Variants in KIAA1217 observed in about 807,000 individuals in gnomAD.
KIAA1217 encodes sickle tail protein homolog.
In KIAA1217, 88 loss-of-function variants were observed where a neutral mutation model predicts 163.9. That is an observed-to-expected ratio of 0.54 (90% CI 0.45 to 0.64). KIAA1217 has a LOEUF of 0.64. KIAA1217 is among the 30% of genes least tolerant of loss of function. The pLI is 0.00. For missense variants in KIAA1217, 2,372 were observed against 2,475.0 expected, an observed-to-expected ratio of 0.96 and a Z score of 0.88; for synonymous variants, 903 against 923.1, an observed-to-expected ratio of 0.98 and a Z score of 0.39.
Position 24,521,857 on chromosome 10 carries a change from A to G in KIAA1217, c.2384A>G (p.Glu795Gly). The change falls in exon 12 of 21, where the codon GAG becomes GGG. Residue 795 changes from glutamate (E) to glycine (G), a missense_variant. By Grantham distance (98) the Glu-to-Gly change is moderately conservative. This residue lies in a region of KIAA1217 where 1,431 missense variants were observed against 1,470.3 expected (regional missense o/e 0.97). Coordinates refer to ENST00000376454, the MANE Select transcript of KIAA1217 (RefSeq NM_019590.5). ...GTGGAGGCCGTGCGGTTTCTGAAGG[A>G]GGAGCCACACAAGCTGGACAGTCTC... ...IEVEAVRFLK[E>G]EPHKLDSLLK... 1 of 1,613,896 alleles carries G rather than the reference A, an allele frequency of 6.2e-7. No homozygotes were observed. The highest frequency in any genetic ancestry group is 8.5e-7 in the Non-Finnish European group (1 of 1,180,026).
chr10:23,761,882 G>T (rs556368374), intron 1 of KIAA1217, among the ~76,000 whole-genome samples: 1 of 152,094 alleles, frequency 6.6e-6, no homozygotes, highest in South Asian at 2.1e-4. Context: ...ATAAAGAAGA[G>T]AAGAATCAAA....
chr10:23,899,600 T>C (rs1240421157), intron 1 of KIAA1217, among the ~76,000 whole-genome samples: 2 of 152,200 alleles, frequency 1.3e-5, no homozygotes, highest in East Asian at 1.9e-4. Context: ...ATTGGAGCAG[T>C]TTAAATATAT....
At chr10:24,538,595 A>AGGAAGGAG (rs2074429888) in intron 17 of KIAA1217, among the ~76,000 whole-genome samples, 1 of 60,662 alleles carries the variant, frequency 1.6e-5, no homozygotes, top group African/African-American at 8.2e-5. Flanking sequence ...GAAGGAAGGA[A>AGGAAGGAG]GGAAGGAAGG....
chr10:24,107,168 G>T (rs1589522527), intron 2 of KIAA1217, among the ~76,000 whole-genome samples: 1 of 152,286 alleles, frequency 6.6e-6, no homozygotes, highest in Non-Finnish European at 1.5e-5. Flanking sequence ...AATTCACTTA[G>T]GATAATGGCC....
intron 4 of KIAA1217, among the ~76,000 whole-genome samples, chr10:24,436,929 T>C (rs375766206): frequency 6.6e-6 from 1 of 152,180 alleles, no homozygotes; most frequent in East Asian, 1.9e-4. Context: ...ATCATTGTGT[T>C]AGGCTCCTCA....
rs374235248 is a variant in KIAA1217, at chr10:24,145,071, T to C, written c.-170-74555T>C. Reference sequence around the variant, plus strand: ...CTTTGGAATTTGATTTAGGATGAGATTGAAATTCTTAAAGGTCCTGTTTCA... The same window carrying C: ...CTTTGGAATTTGATTTAGGATGAGACTGAAATTCTTAAAGGTCCTGTTTCA... On this transcript the variant is annotated intron_variant, in intron 2 of 18. Transcript: ENST00000376462. 4.6e-5 allele frequency among the ~76,000 whole-genome samples: 7 copies of C among 152,244 alleles called. No homozygotes were observed. In the East Asian group the frequency reaches 9.6e-4, roughly 21 times the overall value.
At chr10:24,530,883 A>C (rs1024509133) in intron 14 of KIAA1217, among the ~76,000 whole-genome samples, 2 of 152,052 alleles carry the variant, frequency 1.3e-5, no homozygotes, top group Non-Finnish European at 2.9e-5. Flanking sequence ...GTGAAAGAGC[A>C]ATACCCTGTC....
At chr10:24,504,323 C>A (rs147530361) in intron 9 of KIAA1217, among the ~76,000 whole-genome samples, 76 of 152,308 alleles carry the variant, frequency 5.0e-4, no homozygotes, top group African/African-American at 1.8e-3. Flanking sequence ...TTGGGCAGTT[C>A]TAAAGCGCAG....
chr10:24,231,123 A>T (rs890466056), intron 2 of KIAA1217, among the ~76,000 whole-genome samples: 5 of 152,126 alleles, frequency 3.3e-5, no homozygotes, highest in African/African-American at 9.7e-5. Flanking sequence ...TCCTGGTTGG[A>T]TTTGCCTTTA....
Position 24,545,067 on chromosome 10 carries a change from G to A in KIAA1217, c.5298G>A (p.Lys1766=), listed in dbSNP as rs1360374908. 1 of 1,613,998 alleles carries A rather than the reference G, an allele frequency of 6.2e-7. No individual in the cohort carries two copies. Among genetic ancestry groups the A allele is most frequent in the Non-Finnish European group, 8.5e-7 (1 of 1,180,030 alleles). ...CCGGAACCCTGGACAAACCCGGCAA[G>A]CAGTCCAAACTGCAGGATCCCCGCC... ...NRPGTLDKPG[K]QSKLQDPRQY... is the part of the protein sequence containing the mutation. Residue 1766 remains lysine, a synonymous_variant, in exon 20 of 21, where the codon AAG becomes AAA. Coordinates refer to ENST00000376454, the MANE Select transcript of KIAA1217 (RefSeq NM_019590.5).
At chr10:23,720,259 G>C (rs1258337869) in intron 1 of KIAA1217, among the ~76,000 whole-genome samples, 1 of 151,964 alleles carries the variant, frequency 6.6e-6, no homozygotes, top group African/African-American at 2.4e-5. Flanking sequence ...GGAGAGAGGG[G>C]TGGGGCATTG....
chr10:23,833,494 A>T lies in KIAA1217; in HGVS notation c.-321+138260A>T, dbSNP rs577658183. 8.0e-3 allele frequency among the ~76,000 whole-genome samples: 1,215 copies of T among 152,032 alleles called. 7 individuals are homozygous for T. The highest frequency in any genetic ancestry group is 0.012 in the Non-Finnish European group (791 of 67,994). On this transcript the variant is annotated intron_variant, in intron 1 of 18. Transcript: ENST00000376462. ...TGAGACTGTCTAAAAAAAAAAAAAAAAACTAAGTAAACCATTATCTTTCCT... is the reference window on the plus strand; with the variant it reads ...TGAGACTGTCTAAAAAAAAAAAAAATAACTAAGTAAACCATTATCTTTCCT...
At chr10:24,525,345 T>A (rs2071968032) in intron 13 of KIAA1217, among the ~76,000 whole-genome samples, 1 of 152,078 alleles carries the variant, frequency 6.6e-6, no homozygotes, top group Admixed American at 6.5e-5. Context: ...GGTGAGGGCA[T>A]CCTAGGATAC....
intron 1 of KIAA1217, among the ~76,000 whole-genome samples, chr10:23,851,888 A>G (rs1214452256): frequency 4.6e-5 from 7 of 151,504 alleles, no homozygotes; most frequent in Admixed American, 1.3e-4. Flanking sequence ...AATTTGTTTG[A>G]GTTCATTGTA....
intron 1 of KIAA1217, among the ~76,000 whole-genome samples, chr10:23,964,639 G>T (rs184505125): frequency 2.6e-5 from 4 of 151,546 alleles, no homozygotes; most frequent in African/African-American, 9.7e-5. Flanking sequence ...CACTGCAACC[G>T]CCACCTCCCA....
intron 2 of KIAA1217, among the ~76,000 whole-genome samples, chr10:24,296,210 C>G (rs1289455775): frequency 1.3e-5 from 2 of 151,552 alleles, no homozygotes; most frequent in South Asian, 4.1e-4. Context: ...CTCAAGCGAT[C>G]TTCTCCCCTC....
chr10:24,252,431 T>A (rs2074660442), intron 2 of KIAA1217, among the ~76,000 whole-genome samples: 1 of 151,724 alleles, frequency 6.6e-6, no homozygotes, highest in African/African-American at 2.4e-5. Flanking sequence ...TAAAAAAAAA[T>A]TAGCCAGGCA....
chr10:24,473,894 T>C lies in KIAA1217; in HGVS notation c.1513T>C (p.Ser505Pro). The part of the protein sequence containing the change: ...PPHTMQPDRA[S>P]PSRQAFKKEP... Reference sequence around the variant, plus strand: ...TCACACCATGCAGCCAGACCGGGCCTCTCCGAGCCGCCAGGCCTTTAAAAA... The same window carrying C: ...TCACACCATGCAGCCAGACCGGGCCCCTCCGAGCCGCCAGGCCTTTAAAAA... Residue 505 changes from serine (S) to proline (P), a missense_variant, in exon 6 of 21, where the codon TCT (serine) becomes CCT (proline). Ser to Pro is a moderately conservative substitution (Grantham distance 74). Transcript: ENST00000376454. 3 of 1,614,072 alleles carry C rather than the reference T, an allele frequency of 1.9e-6. No individual in the cohort carries two copies. The highest frequency in any genetic ancestry group is 4.5e-5 in the East Asian group (2 of 44,858).
At chr10:23,864,909 A>T (rs552332313) in intron 1 of KIAA1217, among the ~76,000 whole-genome samples, 1 of 152,256 alleles carries the variant, frequency 6.6e-6, no homozygotes, top group East Asian at 1.9e-4. Context: ...GGGGAATCTC[A>T]GCTTTTTTCC....
Sources: allele counts gnomAD v4.1 joint callset (sites outside exome capture counted in the v4.1 genomes callset), GRCh38; gene constraint gnomAD v4.1.1; regional missense constraint gnomAD v4.1.1; transcripts MANE v1.5; gene names NCBI Gene and HGNC (gene_info 2026-07-23, HGNC 2026-07-21).